Variants in PLA2G4F observed in about 807,000 individuals in gnomAD.
The protein encoded by PLA2G4F is cytosolic phospholipase A2 zeta.
In PLA2G4F, 105 loss-of-function variants were observed where a neutral mutation model predicts 103.1. That is an observed-to-expected ratio of 1.02 (90% CI 0.87 to 1.20). The LOEUF (loss-of-function observed/expected upper bound fraction) is 1.20. PLA2G4F is among the 50% of genes most tolerant of loss of function. PLA2G4F has a pLI of 0.00. For synonymous variants in PLA2G4F, 468 were observed against 441.1 expected, an observed-to-expected ratio of 1.06 and a Z score of -0.76; for missense variants, 1,155 against 1,075.9, an observed-to-expected ratio of 1.07 and a Z score of -1.03.
intron 1 of PLA2G4F, 53 bp downstream of exon 1, chr15:42,156,386 A>G: frequency 2.8e-6 from 4 of 1,454,176 alleles, no homozygotes; most frequent in Non-Finnish European, 3.8e-6. Flanking sequence ...AGGGCACTGC[A>G]GCTCCCAGGA....
Position 42,147,345 on chromosome 15 carries a change from A to G in PLA2G4F, c.1198T>C (p.Cys400Arg), listed in dbSNP as rs1309028442. 7 of 1,605,026 alleles carry G rather than the reference A, an allele frequency of 4.4e-6. No individual in the cohort carries two copies. In the Admixed American group the frequency reaches 1.2e-4, roughly 27 times the overall value. The change falls in exon 13 of 20, where the codon TGC becomes CGC. Residue 400 changes from cysteine to arginine, a missense_variant and splice_region_variant. By Grantham distance (180) the Cys-to-Arg change is radical. This residue lies in a region of PLA2G4F where 782 missense variants were observed against 692.9 expected (regional missense o/e 1.13). Coordinates refer to ENST00000397272, the MANE Select transcript of PLA2G4F (RefSeq NM_213600.4). ...GGGTCCCTGTAGAGTGTGGAGATGCACCTGGGGATTGGAGGTGTGCCTGAG... is the reference window on the plus strand; with the variant it reads ...GGGTCCCTGTAGAGTGTGGAGATGCGCCTGGGGATTGGAGGTGTGCCTGAG... ...YLSGVSGSTW[C>R]ISTLYRDPAW...
At chr15:42,151,530 G>T in intron 7 of PLA2G4F, 1 of 985,298 alleles carries the variant, frequency 1.0e-6, no homozygotes, top group East Asian at 1.1e-4. Context: ...AACACAACAT[G>T]GAAGCAACAG....
Position 42,154,668 on chromosome 15 carries a change from G to A in PLA2G4F, c.185-210C>T, listed in dbSNP as rs1287421298. On this transcript the variant is annotated intron_variant, in intron 2 of 19. Coordinates refer to ENST00000397272, the MANE Select transcript of PLA2G4F (RefSeq NM_213600.4). ...TCCCATTCACCTGAACAGAAATCCTGCGGCAGCCAGTTGGAAAGATCCCAT... is the reference window on the plus strand; with the variant it reads ...TCCCATTCACCTGAACAGAAATCCTACGGCAGCCAGTTGGAAAGATCCCAT... 9.8e-6 allele frequency: 5 copies of A among 509,552 alleles called. No homozygotes were observed. The East Asian group carries it at 1.6e-4, about 17-fold the overall frequency. 31.6% of individuals were successfully genotyped at this position (509,552 alleles called of 1,614,324 possible).
chr15:42,142,763 T>C, intron 18 of PLA2G4F, 49 bp from the exon 19 acceptor site: 1 of 1,593,486 alleles, frequency 6.3e-7, no homozygotes, highest in Admixed American at 1.7e-5. Context: ...CCCTGGCCAC[T>C]CCCGCCGCCC....
At position 42,154,386 on chromosome 15, in the gene PLA2G4F, A is replaced by C. The variant is rs1359968814; in HGVS notation, c.257T>G (p.Val86Gly). The part of the protein sequence containing the change: ...ASPSPAQTRI[V>G]ANCSDPEWNE... ...CCACTCGGGGTCACTGCAGTTGGCC[A>C]CTATCCTAGTCTGGGCAGGGCTTGG... The change falls in exon 3 of 20, where the codon GTG becomes GGG. Residue 86 changes from valine to glycine, a missense_variant. By Grantham distance (109) the Val-to-Gly change is moderately radical. This residue lies in a region of PLA2G4F where 370 missense variants were observed against 364.9 expected (regional missense o/e 1.01). Coordinates refer to ENST00000397272, the MANE Select transcript of PLA2G4F (RefSeq NM_213600.4). 1.2e-6 allele frequency: 2 copies of C among 1,612,346 alleles called. No individual in the cohort carries two copies. Among genetic ancestry groups the C allele is most frequent in the South Asian group, 2.2e-5 (2 of 90,868 alleles).
At position 42,140,068 on chromosome 15, in the gene PLA2G4F, G is replaced by A. The variant is rs1247876901; in HGVS notation, c.*1916C>T. ...ATGCCTTTTTCTTGGGAGAGGGTCT[G>A]TGGTTTATATCAGCTCTTCAAAAAG... On this transcript the variant is annotated 3_prime_UTR_variant, in exon 20 of 20. Coordinates refer to ENST00000397272, the MANE Select transcript of PLA2G4F (RefSeq NM_213600.4). The A allele has an allele frequency of 5.3e-5, 8 of 152,204 alleles. No homozygotes were observed. Among genetic ancestry groups the A allele is most frequent in the Admixed American group, 3.9e-4 (6 of 15,280 alleles). 9.4% of individuals were successfully genotyped at this position (152,204 alleles called of 1,614,324 possible).
At chr15:42,155,994 A>G (rs2049011060) in intron 1 of PLA2G4F, among the ~76,000 whole-genome samples, 1 of 152,152 alleles carries the variant, frequency 6.6e-6, no homozygotes, top group African/African-American at 2.4e-5. Context: ...TTGCTCCCTG[A>G]CAGAGGCTCA....
At position 42,156,492 on chromosome 15, in the gene PLA2G4F, C is replaced by A. The variant is rs746480138; in HGVS notation, c.58G>T (p.Ala20Ser). ...LADKMLPLLG[A>S]VLLQKREKRG... is the part of the protein sequence containing the mutation. ...TTCTCTCTCTTCTGAAGCAGCACTG[C>A]CCCCAGGAGGGGCAGCATCTTGTCT... The change falls in exon 1 of 20, where the codon GCA becomes TCA. Residue 20 changes from alanine (A) to serine (S), a missense_variant. Transcript: ENST00000397272. 1 of 1,564,426 alleles carries A rather than the reference C, an allele frequency of 6.4e-7. No homozygotes were observed. The highest frequency in any genetic ancestry group is 1.9e-5 in the Admixed American group (1 of 52,766).
chr15:42,146,009 G>T, intron 14 of PLA2G4F, 106 bp from the exon 15 acceptor site: 1 of 1,585,348 alleles, frequency 6.3e-7, no homozygotes. Context: ...CAGCAGCCCC[G>T]CTGTGCTCCA....
At chr15:42,155,013 T>C (rs1455249827) in intron 2 of PLA2G4F, among the ~76,000 whole-genome samples, 1 of 151,700 alleles carries the variant, frequency 6.6e-6, no homozygotes, top group Non-Finnish European at 1.5e-5. Context: ...CACACGTATA[T>C]ACACACACTC....
At chr15:42,147,412 A>G (rs1470372909) in intron 12 of PLA2G4F, 66 bp from the exon 13 acceptor site, 10 of 1,489,678 alleles carry the variant, frequency 6.7e-6, no homozygotes, top group Non-Finnish European at 9.2e-6. Context: ...AGGGGTGCAG[A>G]GTCTGTGAGT....
At chr15:42,154,872 G>GTTGTCCC (rs1353689880) in intron 2 of PLA2G4F, among the ~76,000 whole-genome samples, 57 of 152,254 alleles carry the variant, frequency 3.7e-4, no homozygotes, top group African/African-American at 1.3e-3. Context: ...AGTCTGCACA[G>GTTGTCCC]CTGTCCCCTC....
chr15:42,150,497 G>T lies in PLA2G4F; in HGVS notation c.772-11C>A, dbSNP rs375305870. On this transcript the variant is annotated splice_polypyrimidine_tract_variant and intron_variant, in intron 8 of 19. Coordinates refer to ENST00000397272, the MANE Select transcript of PLA2G4F (RefSeq NM_213600.4). ...TGCGCTGGGGCCACTCTGTGGAAAA[G>T]AAAACACCCAAGAAGCTCTCCAGCA... is the stretch of plus-strand genomic sequence containing the variant. The T allele has an allele frequency of 1.0e-4, 167 of 1,609,522 alleles. No homozygotes were observed. The highest frequency in any genetic ancestry group is 2.2e-4 in the Admixed American group (13 of 59,238).
chr15:42,156,288 G>T (rs544461386), intron 1 of PLA2G4F, 151 bp downstream of exon 1: 17 of 593,184 alleles, frequency 2.9e-5, no homozygotes, highest in East Asian at 6.4e-5. Context: ...AAGAGCCAAG[G>T]TCTAATTTAA....
intron 1 of PLA2G4F, among the ~76,000 whole-genome samples, chr15:42,155,869 C>T (rs924352067): frequency 6.6e-6 from 1 of 152,196 alleles, no homozygotes; most frequent in Non-Finnish European, 1.5e-5. Flanking sequence ...CCTGCAGCTC[C>T]CCTCAGACGC....
intron 7 of PLA2G4F, among the ~76,000 whole-genome samples, chr15:42,152,006 T>G (rs2140813558): frequency 6.6e-6 from 1 of 152,358 alleles, no homozygotes; most frequent in Middle Eastern, 3.4e-3. Flanking sequence ...GCTCAGGCTG[T>G]CAGCACTGGA....
chr15:42,145,842 G>C lies in PLA2G4F; in HGVS notation c.1596C>G (p.Thr532=), dbSNP rs201066807. Residue 532 remains threonine (T), a synonymous_variant, in exon 15 of 20, where the codon ACC becomes ACG. Coordinates refer to ENST00000397272, the MANE Select transcript of PLA2G4F (RefSeq NM_213600.4). ...GFPKYGAYVP[T]ELFGSELFMG... is the part of the protein sequence containing the mutation. ...TGAAGAGTTCTGAGCCGAAGAGCTC[G>C]GTGGGAACATAAGCCCCGTACTTGG... 1.1e-4 allele frequency: 173 copies of C among 1,614,126 alleles called. 1 individual carries two copies. The South Asian group carries it at 1.7e-3, about 16-fold the overall frequency.
In PLA2G4F at chr15:42,156,499, G is replaced by A. The variant is rs1199127629; in HGVS notation, c.51C>T (p.Leu17=). Residue 17 remains leucine, a synonymous_variant, in exon 1 of 20, where the codon CTC becomes CTT. Transcript: ENST00000397272. The stretch of plus-strand genomic sequence containing the variant: ...TCTTCTGAAGCAGCACTGCCCCCAG[G>A]AGGGGCAGCATCTTGTCTGCCAGCC... ...PRWLADKMLP[L]LGAVLLQKRE... The A allele has an allele frequency of 6.4e-7, 1 of 1,562,580 alleles. No homozygotes were observed. The highest frequency in any genetic ancestry group is 8.7e-7 in the Non-Finnish European group (1 of 1,152,448).
intron 11 of PLA2G4F, chr15:42,149,467 C>T: frequency 1.0e-6 from 1 of 979,836 alleles, no homozygotes; most frequent in Non-Finnish European, 1.2e-6. Context: ...AGAGAAAAGT[C>T]ATTTCTGTCA....
Sources: gnomAD v4.1 joint callset for allele counts (sites outside exome capture counted in the v4.1 genomes callset) on GRCh38, gnomAD v4.1.1 for gene constraint, gnomAD v4.1.1 regional missense constraint, MANE v1.5 for transcripts, NCBI Gene and HGNC (gene_info 2026-07-23, HGNC 2026-07-21) for gene names.